Variants in VPS37A observed in about 807,000 individuals in gnomAD.
VPS37A encodes VPS37A subunit of ESCRT-I.
Under a neutral mutation model 49.8 loss-of-function variants are expected in VPS37A, and 30 were observed. That is an observed-to-expected ratio of 0.60 (90% CI 0.45 to 0.82). The LOEUF (loss-of-function observed/expected upper bound fraction) is 0.82. VPS37A is among the 40% of genes least tolerant of loss of function. The pLI, the probability that VPS37A is intolerant of heterozygous loss-of-function variation, is 0.00. For synonymous variants in VPS37A, 195 were observed against 160.6 expected (o/e 1.21, Z -1.62); for missense variants, 593 against 464.4 (o/e 1.28, Z -2.55).
chr8:17,323,495 T>C, the VPS37A span, among the ~76,000 whole-genome samples: 1 of 151,926 alleles, frequency 6.6e-6, no homozygotes, highest in African/African-American at 2.4e-5. Context: ...AAGTCGACAC[T>C]GGGAAAAGAT....
chr8:17,280,317 G>C lies in VPS37A; in HGVS notation c.900+20G>C, dbSNP rs1814922151. The stretch of plus-strand genomic sequence containing the variant: ...GATAAGGTGAGTTAGTGATAATTTT[G>C]AAGAAATTTACATAATTTAAAAATA... On this transcript the variant is annotated intron_variant, in intron 8 of 11. Coordinates refer to ENST00000324849, the MANE Select transcript of VPS37A (RefSeq NM_152415.3). 4 of 1,607,492 alleles carry C rather than the reference G, an allele frequency of 2.5e-6. No homozygotes were observed. The highest frequency in any genetic ancestry group is 3.4e-6 in the Non-Finnish European group (4 of 1,177,442).
chr8:17,274,664 A>C, intron 4 of VPS37A, 69 bp from the exon 5 acceptor site: 1 of 1,308,982 alleles, frequency 7.6e-7, no homozygotes, highest in Non-Finnish European at 1.1e-6. Context: ...TATTTAGAAC[A>C]ATTTAGAAAC....
At chr8:17,290,498 T>C (rs373722620) in intron 11 of VPS37A, among the ~76,000 whole-genome samples, 2 of 152,260 alleles carry the variant, frequency 1.3e-5, no homozygotes, top group African/African-American at 4.8e-5. Flanking sequence ...TTGCGTATGT[T>C]GAACCAGCCT....
intron 1 of VPS37A, among the ~76,000 whole-genome samples, chr8:17,253,552 G>T (rs921150812): frequency 6.6e-6 from 1 of 152,182 alleles, no homozygotes; most frequent in African/African-American, 2.4e-5. Context: ...TGGAGAACTT[G>T]TGTTATTTTG....
intron 9 of VPS37A, among the ~76,000 whole-genome samples, chr8:17,280,892 A>C (rs1396500460): frequency 6.6e-6 from 1 of 151,982 alleles, no homozygotes; most frequent in African/African-American, 2.4e-5. Context: ...AAATCAAAAG[A>C]ATTTTATAAA....
At position 17,247,142 on chromosome 8, in the gene VPS37A, A is replaced by G; in HGVS notation, c.-103A>G. 1 of 1,488,384 alleles carries G rather than the reference A, an allele frequency of 6.7e-7. No homozygotes were observed. The highest frequency in any genetic ancestry group is 2.2e-4 in the Middle Eastern group (1 of 4,470). 92.2% of individuals were successfully genotyped at this position (1,488,384 alleles called of 1,614,324 possible). A position where few individuals can be genotyped will look rare whatever the true frequency, so the allele number is the denominator to read the frequency against. On this transcript the variant is annotated 5_prime_UTR_variant, in exon 1 of 12. Transcript: ENST00000324849. The stretch of plus-strand genomic sequence containing the variant: ...GCGGTCCCCAGCGCTTGGGCCACGG[A>G]CGTCCCACCCCGCTCCTCTGTCGCT...
intron 11 of VPS37A, among the ~76,000 whole-genome samples, chr8:17,289,190 A>T (rs1002570238): frequency 3.3e-5 from 5 of 152,172 alleles, no homozygotes. Flanking sequence ...TTTGCTGTGC[A>T]TAAGGTCTTT....
rs569785462 is a variant in VPS37A at position 17,271,052 on chromosome 8, A to G, written c.416+2096A>G. Among the ~76,000 whole-genome samples the G allele has an allele frequency of 1.4e-4, 21 of 152,318 alleles. 1 individual carries two copies. The South Asian group carries it at 3.9e-3, about 29-fold the overall frequency. On this transcript the variant is annotated intron_variant, in intron 4 of 11. Transcript: ENST00000324849. ...AGCACACAGGAGCCACTGGTTCATA[A>G]CAGTACTGAAATCCAACTGGGCACA...
chr8:17,331,069 T>TA, the VPS37A span: 1 of 1,501,902 alleles, frequency 6.7e-7, no homozygotes, highest in Non-Finnish European at 8.9e-7. Context: ...AAAAACATTT[T>TA]AAAATCAAGA....
At chr8:17,294,943 A>G (rs1311317783) in intron 11 of VPS37A, 44 bp from the exon 12 acceptor site, 1 of 152,296 alleles carries the variant, frequency 6.6e-6, no homozygotes, top group Non-Finnish European at 1.5e-5. Context: ...ATACATATTC[A>G]TCTTCTTAAA....
chr8:17,299,916 A>C (rs1316118179), downstream of VPS37A: 1 of 1,613,948 alleles, frequency 6.2e-7, no homozygotes. Context: ...CACTATCTTC[A>C]CTCGGTGCAT....
downstream of VPS37A, chr8:17,305,810 G>T: frequency 6.2e-7 from 1 of 1,613,580 alleles, no homozygotes; most frequent in Non-Finnish European, 8.5e-7. Context: ...CAAACTGGCA[G>T]GAATAAATGT....
At chr8:17,248,086 A>C in intron 1 of VPS37A, 1 of 381,768 alleles carries the variant, frequency 2.6e-6, no homozygotes, top group Non-Finnish European at 4.9e-6. Flanking sequence ...TATTATTTCA[A>C]CTTTTACTGT....
At chr8:17,325,856 C>T in the VPS37A span, among the ~76,000 whole-genome samples, 1 of 152,160 alleles carries the variant, frequency 6.6e-6, no homozygotes, top group African/African-American at 2.4e-5. Context: ...CAAATACTTG[C>T]CTGGCTGACT....
intron 11 of VPS37A, among the ~76,000 whole-genome samples, chr8:17,289,194 G>C (rs577080536): frequency 6.6e-6 from 1 of 152,072 alleles, no homozygotes. Flanking sequence ...CTGTGCATAA[G>C]GTCTTTAGTT....
chr8:17,288,527 G>C (rs878947126), intron 11 of VPS37A, among the ~76,000 whole-genome samples: 1 of 152,098 alleles, frequency 6.6e-6, no homozygotes, highest in Non-Finnish European at 1.5e-5. Flanking sequence ...AGCTTCGTCT[G>C]TGTCCCTGCA....
At chr8:17,272,119 T>A (rs1279314151) in intron 4 of VPS37A, 2 of 455,874 alleles carry the variant, frequency 4.4e-6, no homozygotes, top group Non-Finnish European at 8.8e-6. Flanking sequence ...AACTTTCCAC[T>A]AATAAAAAGT....
Position 17,284,559 on chromosome 8 carries a change from C to A in VPS37A, c.1056C>A (p.Phe352Leu). Residue 352 changes from phenylalanine to leucine, a missense_variant, in exon 10 of 12, where the codon TTC (phenylalanine) becomes TTA (leucine). Coordinates refer to ENST00000324849, the MANE Select transcript of VPS37A (RefSeq NM_152415.3). ...EEESDNIAED[F>L]LEGKMEIDDF... ...AATCTGATAATATTGCAGAAGACTT[C>A]TTGGAGGGAAAGATGGAAATAGATG... The A allele has an allele frequency of 6.2e-7, 1 of 1,600,464 alleles. No individual in the cohort carries two copies. Among genetic ancestry groups the A allele is most frequent in the Non-Finnish European group, 8.5e-7 (1 of 1,175,458 alleles).
chr8:17,288,926 A>G lies in VPS37A; in HGVS notation c.*2499A>G, dbSNP rs1366680779. On this transcript the variant is annotated intron_variant, in intron 11 of 11. Transcript: ENST00000324849. ...TAATTGCCATTCTAACTGGTGTGAC[A>G]TGGTATCTCATTGTGGTTTTGATTT... 3.3e-5 allele frequency among the ~76,000 whole-genome samples: 5 copies of G among 152,278 alleles called. No individual in the cohort carries two copies. In the East Asian group the frequency reaches 9.7e-4, roughly 29 times the overall value.
Sources: gnomAD v4.1 joint callset for allele counts (sites outside exome capture counted in the v4.1 genomes callset) on GRCh38, gnomAD v4.1.1 for gene constraint, MANE v1.5 for transcripts, NCBI Gene and HGNC (gene_info 2026-07-23, HGNC 2026-07-21) for gene names.